Variants in NHS observed in about 807,000 individuals in gnomAD.
NHS encodes actin remodeling regulator NHS.
In NHS, 5 loss-of-function variants were observed where a neutral mutation model predicts 72.5. That is an observed-to-expected ratio of 0.07 (90% CI 0.04 to 0.14). NHS has a LOEUF of 0.14. Among genes scored for constraint, NHS ranks in the 10% least tolerant of loss-of-function variants. The probability of loss-of-function intolerance (pLI) is 1.00; values close to 1 mark genes in which losing one functional copy is unlikely to be tolerated. For synonymous variants in NHS, 464 were observed against 547.7 expected, an observed-to-expected ratio of 0.85 and a Z score of 2.13; for missense variants, 1,072 against 1,355.7, an observed-to-expected ratio of 0.79 and a Z score of 3.29.
intron 1 of NHS, among the ~76,000 whole-genome samples, chrX:17,628,761 G>T (rs1248324132): frequency 1.8e-5 from 2 of 113,069 alleles, no homozygotes; most frequent in Non-Finnish European, 3.7e-5. Context: ...AATGCCTTGG[G>T]CAAGTTGTTT....
At chrX:17,404,875 G>A (rs1374532113) in intron 1 of NHS, among the ~76,000 whole-genome samples, 2 of 108,918 alleles carry the variant, frequency 1.8e-5, no homozygotes, top group African/African-American at 6.7e-5. Flanking sequence ...GCTCATTTTT[G>A]TGCTCTTCCA....
intron 1 of NHS, among the ~76,000 whole-genome samples, chrX:17,538,056 C>T (rs963116130): frequency 8.9e-6 from 1 of 112,110 alleles, no homozygotes; most frequent in African/African-American, 3.2e-5. Flanking sequence ...GCCAAGCATT[C>T]CCAGGGCTAG....
chrX:17,396,826 C>G (rs2064477364), intron 1 of NHS, among the ~76,000 whole-genome samples: 1 of 111,378 alleles, frequency 9.0e-6, no homozygotes, highest in Non-Finnish European at 1.9e-5. Flanking sequence ...CATGACTTTA[C>G]ATATTCAAAC....
chrX:17,544,440 C>T (rs1377183061), intron 1 of NHS, among the ~76,000 whole-genome samples: 2 of 112,225 alleles, frequency 1.8e-5, no homozygotes, highest in Non-Finnish European at 3.8e-5. Flanking sequence ...GACTTTTTTC[C>T]TTCTGCTGAT....
intron 1 of NHS, among the ~76,000 whole-genome samples, chrX:17,537,256 A>C (rs979084082): frequency 8.9e-6 from 1 of 112,366 alleles, no homozygotes; most frequent in Non-Finnish European, 1.9e-5. Flanking sequence ...TTCGATCAAA[A>C]GCACCATTAG....
chrX:17,709,220 CACA>C (rs1286722140), intron 3 of NHS, among the ~76,000 whole-genome samples: 1 of 111,461 alleles, frequency 9.0e-6, no homozygotes, highest in African/African-American at 3.3e-5. Flanking sequence ...AGTAAATCAG[CACA>C]ACACCTGGCC....
intron 1 of NHS, among the ~76,000 whole-genome samples, chrX:17,645,057 T>G (rs1056485440): frequency 2.7e-5 from 3 of 111,899 alleles, no homozygotes; most frequent in Non-Finnish European, 5.6e-5. Context: ...TCAAGTGATA[T>G]CAGACATAAT....
intron 1 of NHS, among the ~76,000 whole-genome samples, chrX:17,415,986 A>G (rs900848920): frequency 2.7e-5 from 3 of 111,457 alleles, no homozygotes; most frequent in Non-Finnish European, 5.6e-5. Flanking sequence ...TTGGCATGCT[A>G]TGATTTGTAT....
chrX:17,523,715 G>T (rs1440001286), intron 1 of NHS, among the ~76,000 whole-genome samples: 1 of 251 alleles, frequency 4.0e-3, no homozygotes, highest in Non-Finnish European at 0.011. Flanking sequence ...GGCTTCCCAG[G>T]TCCCTCACAC....
chrX:17,643,212 T>C (rs1003817233), intron 1 of NHS, among the ~76,000 whole-genome samples: 1 of 112,433 alleles, frequency 8.9e-6, no homozygotes, highest in Admixed American at 9.4e-5. Context: ...TACAGCTTAG[T>C]TGTTGCAGAG....
At chrX:17,485,345 A>G (rs1486994561) in intron 1 of NHS, among the ~76,000 whole-genome samples, 1 of 112,779 alleles carries the variant, frequency 8.9e-6, no homozygotes, top group African/African-American at 3.2e-5. Context: ...GAGAGTTGTA[A>G]ACATTCTGCA....
rs2066464648 is a variant in NHS at position 17,728,294 on chromosome X, G to T, written c.4188G>T (p.Glu1396Asp). 1 of 1,210,127 alleles carries T rather than the reference G, an allele frequency of 8.3e-7. No individual in the cohort carries two copies. The highest frequency in any genetic ancestry group is 1.8e-5 in the South Asian group (1 of 56,817). The change falls in exon 7 of 9, where the codon GAG becomes GAT. Residue 1396 changes from glutamate to aspartate, a missense_variant. Glu to Asp is a conservative substitution (Grantham distance 45). Coordinates refer to ENST00000676302, the MANE Select transcript of NHS (RefSeq NM_001291867.2). ...KSASDNSKAEETQGNVDEASL... is the reference protein window; with the variant it reads ...KSASDNSKAEDTQGNVDEASL... ...CCTCTGATAACAGCAAAGCAGAGGA[G>T]ACCCAAGGAAATGTGGATGAGGCTT...
At chrX:17,506,436 A>G (rs1378511678) in intron 1 of NHS, among the ~76,000 whole-genome samples, 1 of 109,926 alleles carries the variant, frequency 9.1e-6, no homozygotes, top group East Asian at 2.9e-4. Flanking sequence ...AGGCTGAGGC[A>G]GGGAGAATTG....
intron 1 of NHS, among the ~76,000 whole-genome samples, chrX:17,561,455 G>A (rs1601771479): frequency 9.1e-6 from 1 of 109,674 alleles, no homozygotes; most frequent in African/African-American, 3.3e-5. Context: ...GTCCCGTCTT[G>A]TAGGGTTTTG....
At chrX:17,672,506 G>T (rs181652458) in intron 1 of NHS, among the ~76,000 whole-genome samples, 1 of 112,633 alleles carries the variant, frequency 8.9e-6, no homozygotes, top group Non-Finnish European at 1.9e-5. Context: ...AAGAGGAAAC[G>T]GCTTTGGTGA....
chrX:17,687,792 C>G lies in NHS; in HGVS notation c.616C>G (p.Pro206Ala), dbSNP rs1291218898. 1 of 1,212,023 alleles carries G rather than the reference C, an allele frequency of 8.3e-7. No homozygotes were observed. Among genetic ancestry groups the G allele is most frequent in the Non-Finnish European group, 1.1e-6 (1 of 895,505 alleles). ...TAAGCTGAGTGTGTACTACCGCGCC[C>G]CGTGGCACCAGCAGCGCAACATCTT... ...ESKLSVYYRAPWHQQRNIFLP... is the reference protein window; with the variant it reads ...ESKLSVYYRAAWHQQRNIFLP... Residue 206 changes from proline (P) to alanine (A), a missense_variant, in exon 2 of 9, where the codon CCG becomes GCG. Coordinates refer to ENST00000676302, the MANE Select transcript of NHS (RefSeq NM_001291867.2).
At chrX:17,388,870 A>G (rs778099727) in intron 1 of NHS, among the ~76,000 whole-genome samples, 1 of 110,527 alleles carries the variant, frequency 9.0e-6, no homozygotes, top group African/African-American at 3.3e-5. Flanking sequence ...GGTGAGAGAC[A>G]GTGGTGGTCT....
chrX:17,592,472 C>T (rs757742494), intron 1 of NHS, among the ~76,000 whole-genome samples: 1 of 111,737 alleles, frequency 8.9e-6, no homozygotes, highest in East Asian at 2.8e-4. Flanking sequence ...GGCAAGCCAG[C>T]GACTTGGTTA....
chrX:17,546,413 A>G (rs2065293626), intron 1 of NHS, among the ~76,000 whole-genome samples: 1 of 112,229 alleles, frequency 8.9e-6, no homozygotes. Flanking sequence ...CTGAGAGACA[A>G]TAACTTAAAA....
Sources: gnomAD v4.1 joint callset for allele counts (sites outside exome capture counted in the v4.1 genomes callset) on GRCh38, gnomAD v4.1.1 for gene constraint, MANE v1.5 for transcripts, NCBI Gene and HGNC (gene_info 2026-07-23, HGNC 2026-07-21) for gene names.